The following TCF25 variants were observed in gnomAD, a reference collection of about 807,000 sequenced individuals.
TCF25 encodes TCF25 ribosome quality control complex subunit, also known as ribosome quality control complex subunit TCF25.
TCF25 carries 41 observed loss-of-function variants against 83.1 expected under a neutral mutation model. That is an observed-to-expected ratio of 0.49 (90% CI 0.38 to 0.64). TCF25 has a LOEUF of 0.64. TCF25 is among the 30% of genes least tolerant of loss of function. The pLI, the probability that TCF25 is intolerant of heterozygous loss-of-function variation, is 0.00. For synonymous variants in TCF25, 458 were observed against 365.0 expected, an observed-to-expected ratio of 1.25 and a Z score of -2.90; for missense variants, 979 against 914.5, an observed-to-expected ratio of 1.07 and a Z score of -0.91.
intron 17 of TCF25, 55 bp from the exon 18 acceptor site, chr16:89,911,025 G>A (rs978974815): frequency 6.9e-6 from 11 of 1,598,390 alleles, no homozygotes; most frequent in Non-Finnish European, 8.5e-6. Flanking sequence ...TTGGGCCCCG[G>A]GCCCCTAGTC....
chr16:89,894,209 CCGGCCCCCGTG>C (rs931443884), intron 7 of TCF25, among the ~76,000 whole-genome samples: 1 of 151,612 alleles, frequency 6.6e-6, no homozygotes, highest in African/African-American at 2.4e-5. Flanking sequence ...GCTCAGATTC[CCGGCCCCCGTG>C]CAGCCCCCGG....
At chr16:89,882,679 C>T (rs544981151) in intron 1 of TCF25, among the ~76,000 whole-genome samples, 9 of 152,288 alleles carry the variant, frequency 5.9e-5, no homozygotes, top group Non-Finnish European at 1.2e-4. Flanking sequence ...CTCTGCCTCC[C>T]GGGTTCAAAC....
chr16:89,899,743 A>G lies in TCF25; in HGVS notation c.1221+871A>G, dbSNP rs980595940. On this transcript the variant is annotated intron_variant, in intron 11 of 17. Coordinates refer to ENST00000263346, the MANE Select transcript of TCF25 (RefSeq NM_014972.3). ...AACTCCGTCTCAAAAAAAAAAAAAG[A>G]AAATTTAAATTGACACCTGGGCTCC... Among the ~76,000 whole-genome samples the G allele has an allele frequency of 3.3e-5, 5 of 151,544 alleles. No homozygotes were observed. The East Asian group carries it at 9.6e-4, about 29-fold the overall frequency.
At chr16:89,887,435 C>T (rs2043102860) in intron 4 of TCF25, among the ~76,000 whole-genome samples, 1 of 152,336 alleles carries the variant, frequency 6.6e-6, no homozygotes, top group East Asian at 1.9e-4. Context: ...ACTCACCGAG[C>T]GCCCTCACGG....
chr16:89,876,511 G>A (rs886639717), intron 1 of TCF25, among the ~76,000 whole-genome samples: 2 of 152,050 alleles, frequency 1.3e-5, no homozygotes, highest in African/African-American at 4.8e-5. Context: ...AGATCCTTCC[G>A]CCTTGGCCTC....
intron 12 of TCF25, among the ~76,000 whole-genome samples, chr16:89,903,399 G>A (rs766328769): frequency 2.6e-5 from 4 of 152,266 alleles, no homozygotes; most frequent in South Asian, 2.1e-4. Flanking sequence ...GGCCGGGCAC[G>A]GTGGCTCACG....
At chr16:89,890,822 T>C (rs576062666) in intron 5 of TCF25, among the ~76,000 whole-genome samples, 2 of 152,194 alleles carry the variant, frequency 1.3e-5, no homozygotes, top group African/African-American at 4.8e-5. Context: ...TTGACAATAA[T>C]TGCCTTTATT....
intron 8 of TCF25, among the ~76,000 whole-genome samples, chr16:89,895,713 G>T (rs2043799603): frequency 6.6e-6 from 1 of 152,244 alleles, no homozygotes; most frequent in Admixed American, 6.5e-5. Flanking sequence ...GGACACATCT[G>T]TGCTGCACAC....
chr16:89,910,769 CAG>C, intron 17 of TCF25, 106 bp downstream of exon 17: 1 of 1,306,472 alleles, frequency 7.7e-7, no homozygotes, highest in South Asian at 1.2e-5. Flanking sequence ...CCAGCCGGCA[CAG>C]GGAGCAGGGA....
In TCF25 at chr16:89,907,317, A is replaced by G. The variant is rs749936396; in HGVS notation, c.1794A>G (p.Pro598=). Residue 598 remains proline (P), a synonymous_variant, in exon 16 of 18, where the codon CCA becomes CCG. Coordinates refer to ENST00000263346, the MANE Select transcript of TCF25 (RefSeq NM_014972.3). ...PSDTIYSYVR[P]ERLSPISHGN... ...ACACAATCTACTCCTACGTCAGGCC[A>G]GAGAGGTACCTCCCTCCTTCCAGTT... 2.5e-6 allele frequency: 4 copies of G among 1,580,112 alleles called. No individual in the cohort carries two copies. Among genetic ancestry groups the G allele is most frequent in the Middle Eastern group, 1.7e-4 (1 of 5,882 alleles).
chr16:89,873,687 G>A lies in TCF25; in HGVS notation c.20G>A (p.Arg7Gln). The A allele has an allele frequency of 1.3e-6, 2 of 1,591,412 alleles. No homozygotes were observed. The highest frequency in any genetic ancestry group is 1.7e-6 in the Non-Finnish European group (2 of 1,170,748). The change falls in exon 1 of 18, where the codon CGG becomes CAG. Residue 7 changes from arginine (R) to glutamine (Q), a missense_variant. By Grantham distance (43) the Arg-to-Gln change is conservative (BLOSUM62 1). Transcript: ENST00000263346. ...GGTCCTATGTCGCGCCGGGCCCTCC[G>A]GAGGCTGAGGGGGGAACAGCGCGGC... MSRRALRRLRGEQRGQE... is the reference protein window; with the variant it reads MSRRALQRLRGEQRGQE...
chr16:89,905,171 A>T (rs569590125), intron 14 of TCF25, 75 bp downstream of exon 14: 1 of 1,466,044 alleles, frequency 6.8e-7, no homozygotes, highest in African/African-American at 1.4e-5. Flanking sequence ...GGGGCCTCGC[A>T]TTCGGGAGGC....
intron 16 of TCF25, chr16:89,909,690 A>G (rs1464914973): frequency 6.6e-6 from 1 of 152,588 alleles, no homozygotes; most frequent in Non-Finnish European, 1.5e-5. Flanking sequence ...AAAAAAAAAA[A>G]AAAAATCCTC....
rs769704075 is a variant in TCF25 at position 89,884,629 on chromosome 16, CAAG to C, written c.405_407del (p.Lys136del). 8.7e-6 allele frequency: 14 copies of C among 1,613,470 alleles called. No homozygotes were observed. In the East Asian group the frequency reaches 2.2e-4, roughly 26 times the overall value. ...GGAAGAAGAAAAAAAAACAGAAAAACAAGAAAAGCAGCACGGGAGAAGCATCGG... is the reference window on the plus strand; with the variant it reads ...GGAAGAAGAAAAAAAAACAGAAAAACAAAAGCAGCACGGGAGAAGCATCGG... On this transcript the variant is annotated inframe_deletion, in exon 3 of 18. Coordinates refer to ENST00000263346, the MANE Select transcript of TCF25 (RefSeq NM_014972.3).
chr16:89,909,297 G>T, intron 16 of TCF25: 1 of 505,774 alleles, frequency 2.0e-6, no homozygotes. Flanking sequence ...AAATCACAAG[G>T]TCAAGAGATT....
At chr16:89,884,235 G>T (rs540563875) in intron 2 of TCF25, among the ~76,000 whole-genome samples, 1 of 152,278 alleles carries the variant, frequency 6.6e-6, no homozygotes, top group South Asian at 2.1e-4. Flanking sequence ...ATACAGGTGC[G>T]GTGTGAGGCG....
At chr16:89,875,982 T>C (rs79345016) in intron 1 of TCF25, among the ~76,000 whole-genome samples, 2,679 of 150,952 alleles carry the variant, frequency 0.018, 35 homozygotes, top group Non-Finnish European at 0.027. Context: ...AGCTTGTTCT[T>C]TTAATGCTTT....
chr16:89,877,244 C>G (rs2042271399), intron 1 of TCF25, among the ~76,000 whole-genome samples: 1 of 152,014 alleles, frequency 6.6e-6, no homozygotes, highest in African/African-American at 2.4e-5. Context: ...CGCTCTATTG[C>G]CCAGGCTGGA....
intron 5 of TCF25, chr16:89,889,264 A>G: frequency 2.5e-6 from 1 of 395,948 alleles, no homozygotes; most frequent in Non-Finnish European, 4.9e-6. Context: ...TCTGGTTTTG[A>G]ACTCGTGGCC....
Sources: allele counts gnomAD v4.1 joint callset (sites outside exome capture counted in the v4.1 genomes callset), GRCh38; gene constraint gnomAD v4.1.1; transcripts MANE v1.5; gene names NCBI Gene and HGNC (gene_info 2026-07-23, HGNC 2026-07-21).